TRIML2: variants seen among roughly 807,000 people sequenced by gnomAD.
TRIML2 encodes probable E3 ubiquitin-protein ligase TRIML2.
A neutral mutation model predicts 31.2 loss-of-function variants in TRIML2; 28 were observed. The ratio of observed to expected loss-of-function variants is 0.90; its 90% CI spans 0.66 to 1.23. The LOEUF (loss-of-function observed/expected upper bound fraction) is 1.23, where lower values mean the gene tolerates loss of function less well. TRIML2 is among the 50% of genes most tolerant of loss of function. TRIML2 has a pLI of 0.00. For synonymous variants in TRIML2, 187 were observed against 197.5 expected, an observed-to-expected ratio of 0.95 and a Z score of 0.45; for missense variants, 536 against 528.3, an observed-to-expected ratio of 1.01 and a Z score of -0.14.
intron 7 of TRIML2, among the ~76,000 whole-genome samples, chr4:188,093,212 T>C (rs1385491943): frequency 6.6e-6 from 1 of 152,200 alleles, no homozygotes; most frequent in East Asian, 1.9e-4. Flanking sequence ...TAATTTCTAT[T>C]ATTTGACTGA....
Position 188,105,177 on chromosome 4 carries a change from T to C in TRIML2, c.189+3A>G. The C allele has an allele frequency of 6.3e-7, 1 of 1,595,760 alleles. No individual in the cohort carries two copies. On this transcript the variant is annotated splice_donor_region_variant and intron_variant, in intron 2 of 7. Transcript: ENST00000682553. ...TTTTGGGATTTGCGTGAGTGACTCT[T>C]ACCCTGTAATTCTCAGCAGCCTCTT...
intron 1 of TRIML2, among the ~76,000 whole-genome samples, chr4:188,107,742 A>G (rs1005072054): frequency 3.9e-5 from 6 of 152,128 alleles, no homozygotes; most frequent in African/African-American, 1.4e-4. Context: ...TGTGAAGTCT[A>G]TGTTCAAGCC....
intron 5 of TRIML2, chr4:188,098,757 T>C: frequency 5.2e-6 from 2 of 382,684 alleles, no homozygotes; most frequent in Middle Eastern, 7.5e-4. Flanking sequence ...AATATTTCAT[T>C]GCATGGAGGT....
rs147017558 is a variant in TRIML2 at position 188,099,292 on chromosome 4, C to T, written c.481-117G>A. Reference sequence around the variant, plus strand: ...TTTAAAAACCTGCTTTTCGGTTGGGCGCAGTGGCTCACGCCTGTAATCCCA... The same window carrying T: ...TTTAAAAACCTGCTTTTCGGTTGGGTGCAGTGGCTCACGCCTGTAATCCCA... On this transcript the variant is annotated intron_variant, in intron 4 of 7. Transcript: ENST00000682553. The T allele has an allele frequency of 5.2e-3, 6,976 of 1,342,692 alleles. 37 individuals are homozygous for T. Among genetic ancestry groups the T allele is most frequent in the East Asian group, 0.032 (1,325 of 41,968 alleles). The allele number at this position is 1,342,692 out of a possible 1,614,324, so 83.2% of individuals were successfully genotyped here.
intron 5 of TRIML2, chr4:188,098,632 T>C (rs1733634308): frequency 4.8e-6 from 1 of 208,870 alleles, no homozygotes; most frequent in Non-Finnish European, 9.8e-6. Context: ...TGTGTGTATA[T>C]ATACTTATTA....
At position 188,099,060 on chromosome 4, in the gene TRIML2, C is replaced by T. The variant is rs1400020723; in HGVS notation, c.596G>A (p.Gly199Glu). 3 of 1,613,982 alleles carry T rather than the reference C, an allele frequency of 1.9e-6. No homozygotes were observed. The highest frequency in any genetic ancestry group is 2.2e-5 in the East Asian group (1 of 44,880). Residue 199 changes from glycine (G) to glutamate (E), a missense_variant, in exon 5 of 8, where the codon GGG becomes GAG. Gly to Glu is a moderately conservative substitution (Grantham distance 98, BLOSUM62 -2). Coordinates refer to ENST00000682553, the MANE Select transcript of TRIML2 (RefSeq NM_173553.4). ...CTTGAGCAATGCCAAGGTGCCTTCCCCACACTTTTTCTCAAGCTCCACGAT... is the reference window on the plus strand; with the variant it reads ...CTTGAGCAATGCCAAGGTGCCTTCCTCACACTTTTTCTCAAGCTCCACGAT... ...KLIVELEKKC[G>E]EGTLALLKNA...
At chr4:188,106,112 C>G (rs907220846) in intron 1 of TRIML2, 12 of 152,030 alleles carry the variant, frequency 7.9e-5, no homozygotes, top group South Asian at 6.2e-4. Flanking sequence ...TGCGGTGGCG[C>G]GATCTCGGCT....
At chr4:188,105,127 A>G in intron 2 of TRIML2, 53 bp downstream of exon 2, 1 of 1,558,222 alleles carries the variant, frequency 6.4e-7, no homozygotes, top group Non-Finnish European at 8.8e-7. Context: ...TGTCCATTTC[A>G]TCCATATAGG....
chr4:188,091,746 G>C lies in TRIML2; in HGVS notation c.941C>G (p.Thr314Ser), dbSNP rs759956494. 1 of 1,613,936 alleles carries C rather than the reference G, an allele frequency of 6.2e-7. No individual in the cohort carries two copies. The highest frequency in any genetic ancestry group is 1.3e-5 in the African/African-American group (1 of 74,892). ...GTGGTATATGCCCACTTGCCACCTG[G>C]TTGCCTTTTCCACGTCCACCTCCCA... ...HYWEVDVEKA[T>S]RWQVGIYHGS... The change falls in exon 8 of 8, where the codon ACC (threonine) becomes AGC (serine). Residue 314 changes from threonine to serine, a missense_variant. Coordinates refer to ENST00000682553, the MANE Select transcript of TRIML2 (RefSeq NM_173553.4).
At chr4:188,103,035 C>T (rs1467301562) in intron 3 of TRIML2, among the ~76,000 whole-genome samples, 120 of 108,878 alleles carry the variant, frequency 1.1e-3, no homozygotes, top group African/African-American at 4.2e-3. Flanking sequence ...TTTTTTGAGA[C>T]GGAGTCTCGC....
chr4:188,098,413 C>T, intron 5 of TRIML2: 1 of 260,682 alleles, frequency 3.8e-6, no homozygotes, highest in Admixed American at 4.9e-5. Flanking sequence ...GGGGCTCTGC[C>T]CCCAGGCCCC....
Position 188,109,445 on chromosome 4 carries a change from T to C in TRIML2, c.-425A>G, listed in dbSNP as rs536076540. Reference sequence around the variant, plus strand: ...GCGCTGCACGACCACACCCGGCTAATTTTTGTATTTTTTGTAGAGACGGGG... The same window carrying C: ...GCGCTGCACGACCACACCCGGCTAACTTTTGTATTTTTTGTAGAGACGGGG... On this transcript the variant is annotated 5_prime_UTR_variant, in exon 1 of 8. Transcript: ENST00000682553. 1 of 151,740 alleles carries C rather than the reference T, an allele frequency of 6.6e-6. No homozygotes were observed. Among genetic ancestry groups the C allele is most frequent in the East Asian group, 1.9e-4 (1 of 5,130 alleles). 9.4% of individuals were successfully genotyped at this position (151,740 alleles called of 1,614,324 possible).
intron 4 of TRIML2, among the ~76,000 whole-genome samples, chr4:188,099,771 G>C (rs1733692610): frequency 6.6e-6 from 1 of 152,028 alleles, no homozygotes; most frequent in African/African-American, 2.4e-5. Context: ...ACATTAATAT[G>C]CACCTAAAAC....
In TRIML2 at chr4:188,109,592, A is replaced by T. The variant is rs904032142; in HGVS notation, c.-572T>A. The T allele has an allele frequency of 6.6e-6, 1 of 152,100 alleles. No individual in the cohort carries two copies. The highest frequency in any genetic ancestry group is 2.4e-5 in the African/African-American group (1 of 41,412). 9.4% of individuals were successfully genotyped at this position (152,100 alleles called of 1,614,324 possible). ...CACACCGAACCAAGGTATTTCCTTT[A>T]GGGAAAAAGCTGGAACAGTGGAGAC... is the stretch of plus-strand genomic sequence containing the variant. On this transcript the variant is annotated 5_prime_UTR_variant, in exon 1 of 8. Coordinates refer to ENST00000682553, the MANE Select transcript of TRIML2 (RefSeq NM_173553.4).
Position 188,094,763 on chromosome 4 carries a change from A to C in TRIML2, c.745+2298T>G, listed in dbSNP as rs79010299. ...ATAAAAATCCCAGCGGTCCATTTTG[A>C]AGAAGCCAACAAGCTGATTTCAAAA... is the stretch of plus-strand genomic sequence containing the variant. On this transcript the variant is annotated intron_variant, in intron 7 of 7. Coordinates refer to ENST00000682553, the MANE Select transcript of TRIML2 (RefSeq NM_173553.4). Among the ~76,000 whole-genome samples the C allele has an allele frequency of 4.6e-3, 696 of 152,328 alleles. 12 individuals carry two copies. The East Asian group carries it at 0.08, about 18-fold the overall frequency.
chr4:188,093,955 TA>T (rs903638105), intron 7 of TRIML2, among the ~76,000 whole-genome samples: 2 of 151,442 alleles, frequency 1.3e-5, no homozygotes, highest in African/African-American at 4.8e-5. Context: ...ATACAAAAAT[TA>T]GCTGAGTGTG....
intron 2 of TRIML2, 72 bp from the exon 3 acceptor site, chr4:188,105,004 C>A: frequency 6.9e-7 from 1 of 1,446,922 alleles, no homozygotes; most frequent in South Asian, 1.2e-5. Flanking sequence ...CTTAAACAGC[C>A]AACAACTCTG....
intron 7 of TRIML2, 32 bp downstream of exon 7, chr4:188,097,028 GT>G: frequency 7.0e-6 from 10 of 1,430,606 alleles, no homozygotes; most frequent in Non-Finnish European, 9.9e-6. Context: ...ATGCAGAACA[GT>G]GCCCTGTGAG....
Position 188,091,845 on chromosome 4 carries a change from G to A in TRIML2, c.842C>T (p.Ala281Val), listed in dbSNP as rs1314341242. The A allele has an allele frequency of 6.2e-7, 1 of 1,614,164 alleles. No individual in the cohort carries two copies. The highest frequency in any genetic ancestry group is 8.5e-7 in the Non-Finnish European group (1 of 1,180,044). The change falls in exon 8 of 8, where the codon GCT becomes GTT. Residue 281 changes from alanine (A) to valine (V), a missense_variant. Transcript: ENST00000682553. ...MRLRHGQQDG[A>V]GNPERLDFSA... The stretch of plus-strand genomic sequence containing the variant: ...GAAATCCAATCTTTCTGGGTTGCCA[G>A]CCCCATCCTGCTGCCCATGTCTCAA...
Sources: allele counts gnomAD v4.1 joint callset (sites outside exome capture counted in the v4.1 genomes callset), GRCh38; gene constraint gnomAD v4.1.1; transcripts MANE v1.5; gene names NCBI Gene and HGNC (gene_info 2026-07-23, HGNC 2026-07-21).